ABCC4: variants seen among roughly 807,000 people sequenced by gnomAD.
ABCC4 encodes the protein ATP binding cassette subfamily C member 4 (PEL blood group).
ABCC4 carries 102 observed loss-of-function variants against 168.5 expected under a neutral mutation model. That is an observed-to-expected ratio of 0.61 (90% confidence interval 0.52 to 0.71). The LOEUF is 0.71. ABCC4 is among the 30% of genes least tolerant of loss of function. The pLI is 0.00. For missense variants in ABCC4, 1,402 were observed against 1,605.8 expected (o/e 0.87, Z 2.17); for synonymous variants, 617 against 590.7 (o/e 1.04, Z -0.65).
In ABCC4 at chr13:95,161,268, G is replaced by A. The variant is rs1383871766; in HGVS notation, c.2376C>T (p.Asn792=). 1 of 1,611,068 alleles carries A rather than the reference G, an allele frequency of 6.2e-7. No individual in the cohort carries two copies. Among genetic ancestry groups the A allele is most frequent in the Non-Finnish European group, 8.5e-7 (1 of 1,179,286 alleles). ...TTTTGTTGTGCAAAGTTTGTGAAGAGTTAACAAGGACGTAGAATACCAATA... is the reference window on the plus strand; with the variant it reads ...TTTTGTTGTGCAAAGTTTGTGAAGAATTAACAAGGACGTAGAATACCAATA... ...RSLLVFYVLV[N]SSQTLHNKMF... Residue 792 remains asparagine, a synonymous_variant, in exon 19 of 31, where the codon AAC becomes AAT. Transcript: ENST00000645237.
At chr13:95,132,596 TA>T (rs1406288909) in intron 19 of ABCC4, among the ~76,000 whole-genome samples, 2 of 152,206 alleles carry the variant, frequency 1.3e-5, no homozygotes, top group East Asian at 1.9e-4. Flanking sequence ...TGTAATACAT[TA>T]TTTTTTTGTT....
rs554905050 is a variant in ABCC4 at position 95,237,707 on chromosome 13, G to A, written c.307-2873C>T. Among the ~76,000 whole-genome samples the A allele has an allele frequency of 6.6e-5, 10 of 152,124 alleles. No homozygotes were observed. In the South Asian group the frequency reaches 1.0e-3, roughly 16 times the overall value. The stretch of plus-strand genomic sequence containing the variant: ...GACACATTACATGTCTAGGCCCAGC[G>A]GGCACGCGGCCTCCATGCTCCTGCT... On this transcript the variant is annotated intron_variant, in intron 3 of 30. Coordinates refer to ENST00000645237, the MANE Select transcript of ABCC4 (RefSeq NM_005845.5).
At chr13:95,080,389 TTTTTGTTTTG>T (rs71774292) in intron 21 of ABCC4, among the ~76,000 whole-genome samples, 9 of 150,846 alleles carry the variant, frequency 6.0e-5, no homozygotes, top group African/African-American at 1.7e-4. Context: ...TTGTTTTTGT[TTTTTGTTTTG>T]TTTTGTTTTG....
chr13:95,099,264 A>T (rs1201090783), intron 20 of ABCC4, among the ~76,000 whole-genome samples: 1 of 152,204 alleles, frequency 6.6e-6, no homozygotes, highest in Non-Finnish European at 1.5e-5. Flanking sequence ...CAGAAAAATT[A>T]TTGGTTCCAT....
intron 1 of ABCC4, among the ~76,000 whole-genome samples, chr13:95,281,224 C>A (rs1229171382): frequency 1.4e-5 from 2 of 139,270 alleles, no homozygotes; most frequent in African/African-American, 5.4e-5. Flanking sequence ...GCAGGGGAAT[C>A]ACTTGAATCT....
At chr13:95,259,400 A>C in intron 1 of ABCC4, among the ~76,000 whole-genome samples, 1 of 150,660 alleles carries the variant, frequency 6.6e-6, no homozygotes, top group African/African-American at 2.4e-5. Context: ...AAAAAGGAAG[A>C]AAAAAAGAAA....
At position 95,058,683 on chromosome 13, in the gene ABCC4, G is replaced by C. The variant is rs1198368880; in HGVS notation, c.3366+4021C>G. Among the ~76,000 whole-genome samples, 3 of 151,216 alleles carry C rather than the reference G, an allele frequency of 2.0e-5. No individual in the cohort carries two copies. The South Asian group carries it at 6.3e-4, about 32-fold the overall frequency. ...AACAAATACTTACTGAAAAAAAATT[G>C]AGCTGGATAGTTCTGAGTTCTGATT... On this transcript the variant is annotated intron_variant, in intron 26 of 30. Transcript: ENST00000645237.
Position 95,186,827 on chromosome 13 carries a change from T to C in ABCC4, c.1419A>G (p.Gly473=). ...APSHGLVSVH[G]RIAYVSQQPW... ...GCTGCTGAGACACATAGGCAATTCT[T>C]CCATGCACGCTGACCAGCCCGTGAC... The change falls in exon 11 of 31, where the codon GGA becomes GGG. Residue 473 remains glycine, a synonymous_variant. Transcript: ENST00000645237. 6.2e-7 allele frequency: 1 copy of C among 1,614,084 alleles called. No homozygotes were observed. The highest frequency in any genetic ancestry group is 8.5e-7 in the Non-Finnish European group (1 of 1,179,992).
At chr13:95,236,331 C>G (rs2039768477) in intron 3 of ABCC4, among the ~76,000 whole-genome samples, 1 of 151,948 alleles carries the variant, frequency 6.6e-6, no homozygotes, top group Non-Finnish European at 1.5e-5. Context: ...AGACCTTAAC[C>G]TTGAAAAACA....
intron 26 of ABCC4, among the ~76,000 whole-genome samples, chr13:95,058,713 T>C (rs1222698170): frequency 1.3e-5 from 2 of 152,110 alleles, no homozygotes. Context: ...CTGATTCTAC[T>C]ACTTATTAGC....
At chr13:95,069,947 T>C (rs1367020589) in intron 25 of ABCC4, among the ~76,000 whole-genome samples, 2 of 152,180 alleles carry the variant, frequency 1.3e-5, no homozygotes, top group African/African-American at 2.4e-5. Context: ...AGATGTTACA[T>C]TAAAGAATCT....
At chr13:95,160,772 G>C (rs114690637) in intron 19 of ABCC4, among the ~76,000 whole-genome samples, 4 of 152,144 alleles carry the variant, frequency 2.6e-5, no homozygotes, top group Non-Finnish European at 5.9e-5. Context: ...TCTCACGTCA[G>C]AGCATTCCTG....
chr13:95,249,481 C>T (rs1389920777), intron 1 of ABCC4, among the ~76,000 whole-genome samples: 2 of 152,154 alleles, frequency 1.3e-5, no homozygotes, highest in Non-Finnish European at 2.9e-5. Context: ...TTGGAGCACA[C>T]ACTGCAGGGG....
intron 26 of ABCC4, among the ~76,000 whole-genome samples, chr13:95,056,264 T>C (rs559439838): frequency 6.0e-4 from 92 of 152,330 alleles, no homozygotes; most frequent in Admixed American, 1.8e-3. Context: ...CAGAGCTATG[T>C]GTGCATTTCA....
At position 95,231,037 on chromosome 13, in the gene ABCC4, A is replaced by T. The variant is rs944743707; in HGVS notation, c.531+3573T>A. ...CATGAAGTGAGCCAGACAGAAAATAACAAATACTGTATGATTCTACTTCTA... is the reference window on the plus strand; with the variant it reads ...CATGAAGTGAGCCAGACAGAAAATATCAAATACTGTATGATTCTACTTCTA... On this transcript the variant is annotated intron_variant, in intron 4 of 30. Transcript: ENST00000645237. Among the ~76,000 whole-genome samples the T allele has an allele frequency of 3.3e-5, 5 of 152,232 alleles. No homozygotes were observed. In the East Asian group the frequency reaches 9.6e-4, roughly 29 times the overall value.
chr13:95,270,988 G>C (rs561820491), intron 1 of ABCC4, among the ~76,000 whole-genome samples: 1 of 152,248 alleles, frequency 6.6e-6, no homozygotes, highest in East Asian at 1.9e-4. Context: ...CCAGCTACTC[G>C]GGAGGCTGAG....
intron 1 of ABCC4, among the ~76,000 whole-genome samples, chr13:95,281,525 A>G (rs1388831725): frequency 6.6e-6 from 1 of 152,168 alleles, no homozygotes; most frequent in Non-Finnish European, 1.5e-5. Context: ...GTAATTCAGA[A>G]GGAAGCAAAG....
At chr13:95,057,468 G>A (rs981553133) in intron 26 of ABCC4, among the ~76,000 whole-genome samples, 1 of 152,120 alleles carries the variant, frequency 6.6e-6, no homozygotes, top group Non-Finnish European at 1.5e-5. Context: ...TTGATCTCTT[G>A]ACCTCGTGAT....
At chr13:95,065,517 G>C (rs2033498406) in intron 25 of ABCC4, among the ~76,000 whole-genome samples, 1 of 152,090 alleles carries the variant, frequency 6.6e-6, no homozygotes, top group South Asian at 2.1e-4. Context: ...ATTTACTTCA[G>C]TAGCTACATA....
Sources: gnomAD v4.1 joint callset for allele counts (sites outside exome capture counted in the v4.1 genomes callset) on GRCh38, gnomAD v4.1.1 for gene constraint, MANE v1.5 for transcripts, NCBI Gene and HGNC (gene_info 2026-07-23, HGNC 2026-07-21) for gene names.